The following PSD3 variants were observed in gnomAD, a reference collection of about 807,000 sequenced individuals.
PSD3 encodes pleckstrin and Sec7 domain containing 3.
PSD3 carries 49 observed loss-of-function variants against 105.5 expected under a neutral mutation model. The observed-to-expected ratio is 0.46, with a 90% confidence interval of 0.37 to 0.59. The LOEUF is 0.59. Among genes scored for constraint, PSD3 ranks in the 20% least tolerant of loss-of-function variants. The pLI is 0.00. For synonymous variants in PSD3, 557 were observed against 457.8 expected (o/e 1.22, Z -2.77); for missense variants, 1,561 against 1,263.8 (o/e 1.24, Z -3.57).
At chr8:19,074,611 A>ATATATTT (rs1324257417) in intron 1 of PSD3, among the ~76,000 whole-genome samples, 37 of 24,164 alleles carry the variant, frequency 1.5e-3, no homozygotes, top group South Asian at 6.2e-3. Context: ...ATATATATAT[A>ATATATTT]TTTTTTTTTT....
intron 1 of PSD3, among the ~76,000 whole-genome samples, chr8:18,970,437 C>T (rs1321797743): frequency 4.0e-5 from 6 of 150,908 alleles, no homozygotes; most frequent in Non-Finnish European, 7.4e-5. Flanking sequence ...ATTTGCAATT[C>T]GATGAATTCC....
chr8:18,872,881 C>G, intron 2 of PSD3, 148 bp from the exon 3 acceptor site: 2 of 769,642 alleles, frequency 2.6e-6, no homozygotes, highest in Non-Finnish European at 2.0e-6. Context: ...CCCTGTAACA[C>G]ACACTCCTCA....
At chr8:18,778,114 A>C (rs1808268180) in intron 8 of PSD3, among the ~76,000 whole-genome samples, 1 of 152,208 alleles carries the variant, frequency 6.6e-6, no homozygotes. Context: ...GGGATGCCCT[A>C]TAACTCTGAC....
chr8:18,600,264 G>A lies in PSD3; in HGVS notation c.2481+100C>T. ...AACATCAGCAAACAAACTGCAGAAA[G>A]TGAAACCACAGATAAGGGAGACTAC... On this transcript the variant is annotated intron_variant, in intron 12 of 15. Transcript: ENST00000327040. 3 of 1,111,816 alleles carry A rather than the reference G, an allele frequency of 2.7e-6. No individual in the cohort carries two copies. In the South Asian group the frequency reaches 4.3e-5, roughly 16 times the overall value. 68.9% of individuals were successfully genotyped at this position (1,111,816 alleles called of 1,614,324 possible).
intron 1 of PSD3, among the ~76,000 whole-genome samples, chr8:19,008,907 G>A (rs567373686): frequency 1.3e-5 from 2 of 152,238 alleles, no homozygotes; most frequent in Admixed American, 6.5e-5. Context: ...CAGCTCATGG[G>A]AAGAAATAAC....
chr8:19,037,357 C>T (rs1481206408), intron 1 of PSD3, among the ~76,000 whole-genome samples: 1 of 152,214 alleles, frequency 6.6e-6, no homozygotes, highest in East Asian at 1.9e-4. Flanking sequence ...TTTCAGACAC[C>T]CTCCAACCCT....
At chr8:18,618,679 C>A (rs1324758494) in intron 11 of PSD3, among the ~76,000 whole-genome samples, 2 of 149,396 alleles carry the variant, frequency 1.3e-5, no homozygotes, top group Non-Finnish European at 3.0e-5. Flanking sequence ...AAGGTTTTTG[C>A]ATTTTTTTTT....
chr8:18,575,383 C>T, intron 12 of PSD3, 98 bp from the exon 13 acceptor site: 1 of 1,157,180 alleles, frequency 8.6e-7, no homozygotes, highest in East Asian at 2.7e-5. Context: ...TTTAGGAAAT[C>T]CAAGTAAGTG....
intron 2 of PSD3, among the ~76,000 whole-genome samples, chr8:18,883,363 A>C (rs1818243080): frequency 6.6e-6 from 1 of 152,200 alleles, no homozygotes; most frequent in African/African-American, 2.4e-5. Flanking sequence ...ACACTTGATC[A>C]TTCTGGTCTG....
chr8:18,623,693 C>T (rs1375436871), intron 11 of PSD3, among the ~76,000 whole-genome samples: 1 of 150,142 alleles, frequency 6.7e-6, no homozygotes, highest in African/African-American at 2.4e-5. Context: ...AAAAGGTTAT[C>T]AAGAGTAATA....
At chr8:18,832,525 A>G (rs540792126) in intron 4 of PSD3, among the ~76,000 whole-genome samples, 1 of 152,300 alleles carries the variant, frequency 6.6e-6, no homozygotes, top group Admixed American at 6.5e-5. Context: ...AAGTTCACCA[A>G]TAACATGTCA....
At chr8:18,886,980 T>A (rs1818487906) in intron 2 of PSD3, 1 of 152,242 alleles carries the variant, frequency 6.6e-6, no homozygotes, top group Non-Finnish European at 1.5e-5. Context: ...TGAAAACTAC[T>A]TCCAAGGAGA....
intron 1 of PSD3, among the ~76,000 whole-genome samples, chr8:18,958,063 G>A (rs1823688380): frequency 6.6e-6 from 1 of 152,018 alleles, no homozygotes; most frequent in Admixed American, 6.5e-5. Context: ...AAAGAGGAAG[G>A]TACAATGATG....
chr8:18,949,508 G>C (rs752595222), intron 1 of PSD3, among the ~76,000 whole-genome samples: 2 of 151,648 alleles, frequency 1.3e-5, no homozygotes, highest in Non-Finnish European at 2.9e-5. Flanking sequence ...ATTAATTTCT[G>C]TAAGAAATAC....
intron 9 of PSD3, 51 bp downstream of exon 9, chr8:18,765,398 C>G: frequency 6.8e-7 from 1 of 1,475,310 alleles, no homozygotes; most frequent in South Asian, 1.1e-5. Context: ...AAGCTGTAAG[C>G]AGCAAACAGA....
intron 4 of PSD3, among the ~76,000 whole-genome samples, chr8:18,845,155 A>G (rs1182109098): frequency 2.0e-5 from 3 of 152,378 alleles, no homozygotes; most frequent in African/African-American, 4.8e-5. Flanking sequence ...AGTAAAAAGA[A>G]TATTTCATTA....
chr8:18,568,178 A>G (rs956531645), intron 14 of PSD3, among the ~76,000 whole-genome samples: 17 of 152,052 alleles, frequency 1.1e-4, no homozygotes, highest in African/African-American at 4.1e-4. Context: ...TTTCTAAATG[A>G]CCCAGGCTCT....
At chr8:18,910,216 A>G (rs1397728255) in intron 2 of PSD3, among the ~76,000 whole-genome samples, 1 of 150,574 alleles carries the variant, frequency 6.6e-6, no homozygotes, top group Admixed American at 6.6e-5. Context: ...TATTCACAAT[A>G]GCAAAGACTT....
intron 12 of PSD3, among the ~76,000 whole-genome samples, chr8:18,582,179 C>A (rs1241123783): frequency 2.0e-5 from 3 of 152,124 alleles, no homozygotes; most frequent in Admixed American, 6.6e-5. Flanking sequence ...AAACTGGAAA[C>A]TTCTGGGTGA....
Sources: allele counts gnomAD v4.1 joint callset (sites outside exome capture counted in the v4.1 genomes callset), GRCh38; gene constraint gnomAD v4.1.1; transcripts MANE v1.5; gene names NCBI Gene and HGNC (gene_info 2026-07-23, HGNC 2026-07-21).